Variants in DCDC1 observed in about 807,000 individuals in gnomAD.
DCDC1 encodes doublecortin domain containing 1.
In DCDC1, 200 loss-of-function variants were observed where a neutral mutation model predicts 178.3. The observed-to-expected ratio is 1.12, with a 90% confidence interval of 1.00 to 1.26. The LOEUF (loss-of-function observed/expected upper bound fraction) is 1.26, where lower values mean the gene tolerates loss of function less well. DCDC1 is among the 50% of genes most tolerant of loss of function. DCDC1 has a pLI of 0.00. For missense variants in DCDC1, 1,983 were observed against 1,749.2 expected (o/e 1.13, Z -2.38); for synonymous variants, 690 against 604.8 (o/e 1.14, Z -2.07).
chr11:30,916,705 G>A (rs527784021), intron 26 of DCDC1, among the ~76,000 whole-genome samples, 165 bp downstream of exon 26: 7 of 152,152 alleles, frequency 4.6e-5, no homozygotes, highest in Admixed American at 2.0e-4. Flanking sequence ...GGACCTTCCC[G>A]CAAAATTTTG....
At chr11:31,274,177 T>G (rs1021864013) in intron 7 of DCDC1, among the ~76,000 whole-genome samples, 1 of 152,242 alleles carries the variant, frequency 6.6e-6, no homozygotes, top group Non-Finnish European at 1.5e-5. Context: ...CTGGGGTTTA[T>G]CAAGATAAGT....
At position 30,888,119 on chromosome 11, in the gene DCDC1, AAAG is replaced by A. The variant is rs1224836516; in HGVS notation, c.5082+4696_5082+4698del. On this transcript the variant is annotated intron_variant, in intron 36 of 38. Coordinates refer to ENST00000684477, the MANE Select transcript of DCDC1 (RefSeq NM_001387274.1). The stretch of plus-strand genomic sequence containing the variant: ...AAGAAAAAGAAAGAAAGAAAGAAAG[AAAG>A]AAAGAAAGAAAGAAAGAAAGAAAGA... Among the ~76,000 whole-genome samples the A allele has an allele frequency of 9.1e-5, 13 of 142,356 alleles. 1 individual carries two copies. The highest frequency in any genetic ancestry group is 3.2e-4 in the African/African-American group (12 of 37,412). The allele number at this position is 142,356 out of a possible 152,430, so 93.4% of individuals were successfully genotyped here.
chr11:30,931,102 T>C (rs781091349), intron 22 of DCDC1, among the ~76,000 whole-genome samples: 65 of 152,144 alleles, frequency 4.3e-4, no homozygotes, highest in Non-Finnish European at 8.1e-4. Context: ...TGAGAAACAA[T>C]GTGTTTAACT....
At chr11:31,117,558 A>G (rs1208315591) in intron 11 of DCDC1, among the ~76,000 whole-genome samples, 1 of 152,044 alleles carries the variant, frequency 6.6e-6, no homozygotes, top group Non-Finnish European at 1.5e-5. Flanking sequence ...GGCCCTCATC[A>G]GCTTCTCAGT....
At chr11:30,931,531 T>C (rs888847667) in intron 22 of DCDC1, among the ~76,000 whole-genome samples, 5 of 152,096 alleles carry the variant, frequency 3.3e-5, no homozygotes, top group Admixed American at 6.6e-5. Flanking sequence ...AATAGAACTT[T>C]TAAAAAATCA....
At chr11:31,253,838 T>C (rs1413012292) in intron 8 of DCDC1, among the ~76,000 whole-genome samples, 1 of 152,210 alleles carries the variant, frequency 6.6e-6, no homozygotes, top group Non-Finnish European at 1.5e-5. Context: ...ATTGAAAGTA[T>C]TTGTTGCCCC....
intron 2 of DCDC1, among the ~76,000 whole-genome samples, chr11:31,333,070 T>C (rs1414772097): frequency 6.6e-6 from 1 of 152,234 alleles, no homozygotes; most frequent in Non-Finnish European, 1.5e-5. Flanking sequence ...TGCTCCTGTA[T>C]TGGGTGCATA....
chr11:31,208,660 T>C (rs286650), intron 9 of DCDC1, among the ~76,000 whole-genome samples: 46,961 of 152,024 alleles, frequency 0.31, 8,451 homozygotes, highest in East Asian at 0.63. Flanking sequence ...ATGATCTGCA[T>C]GTCCCCACCT....
At chr11:31,274,511 T>G (rs1170887627) in intron 7 of DCDC1, among the ~76,000 whole-genome samples, 1 of 151,802 alleles carries the variant, frequency 6.6e-6, no homozygotes, top group Non-Finnish European at 1.5e-5. Context: ...TGGAGAATAT[T>G]GAGAGTGGGG....
intron 7 of DCDC1, among the ~76,000 whole-genome samples, chr11:31,289,658 G>C (rs956096778): frequency 6.6e-6 from 1 of 151,992 alleles, no homozygotes; most frequent in Non-Finnish European, 1.5e-5. Flanking sequence ...ATTTCTGTTA[G>C]GTGCATATTA....
chr11:31,176,530 T>C (rs1968052574), intron 9 of DCDC1, among the ~76,000 whole-genome samples: 2 of 152,046 alleles, frequency 1.3e-5, no homozygotes, highest in Admixed American at 6.6e-5. Flanking sequence ...GATATGAACA[T>C]CTAGATTCAG....
intron 1 of DCDC1, among the ~76,000 whole-genome samples, chr11:31,348,347 T>A (rs1005331210): frequency 1.6e-4 from 24 of 152,290 alleles, no homozygotes; most frequent in African/African-American, 5.8e-4. Context: ...GGAATTACCA[T>A]CATCTTCAAA....
intron 20 of DCDC1, among the ~76,000 whole-genome samples, chr11:31,059,594 A>G (rs137871043): frequency 0.01 from 1,557 of 152,144 alleles, 69 homozygotes; most frequent in Admixed American, 0.081. Context: ...TTATATTAAC[A>G]TTTACCTTTA....
In DCDC1 at chr11:31,330,478, T is replaced by C. The variant is rs1949913578; in HGVS notation, c.-6-2192A>G. ...TAGTCATGAAGTCCTTGCCCATGCC[T>C]ATGTCCTGAATGGTATTGCCTAAGT... On this transcript the variant is annotated intron_variant, in intron 2 of 38. Transcript: ENST00000684477. Among the ~76,000 whole-genome samples the C allele has an allele frequency of 2.6e-5, 4 of 152,348 alleles. No individual in the cohort carries two copies. In the South Asian group the frequency reaches 8.3e-4, roughly 32 times the overall value.
In DCDC1 at chr11:31,252,996, G is replaced by GA. The variant is rs568805203; in HGVS notation, c.1055-11381dup. On this transcript the variant is annotated intron_variant, in intron 8 of 38. Transcript: ENST00000684477. ...ACAACACTGTCCTGAAGCAGATACT[G>GA]AAAAAAAATAGTCATTATCATTTGT... is the stretch of plus-strand genomic sequence containing the variant. Among the ~76,000 whole-genome samples, 34 of 151,488 alleles carry GA rather than the reference G, an allele frequency of 2.2e-4. No homozygotes were observed. The South Asian group carries it at 4.6e-3, about 20-fold the overall frequency.
intron 18 of DCDC1, among the ~76,000 whole-genome samples, chr11:31,076,647 G>A (rs1332765142): frequency 1.3e-5 from 2 of 152,172 alleles, no homozygotes; most frequent in Non-Finnish European, 2.9e-5. Context: ...CCCAACTGCT[G>A]TTTGTTTGGA....
intron 20 of DCDC1, among the ~76,000 whole-genome samples, chr11:31,002,481 G>GT: frequency 6.6e-6 from 1 of 152,254 alleles, no homozygotes; most frequent in South Asian, 2.1e-4. Flanking sequence ...CCCGCCTGCT[G>GT]TGAGTCCAAC....
chr11:30,994,307 C>T (rs1029298157), intron 20 of DCDC1, among the ~76,000 whole-genome samples: 34 of 151,802 alleles, frequency 2.2e-4, no homozygotes, highest in African/African-American at 7.3e-4. Context: ...CTTTTTTACC[C>T]ATTTTTTTCT....
intron 20 of DCDC1, among the ~76,000 whole-genome samples, chr11:30,977,937 A>T (rs1396252683): frequency 2.0e-5 from 3 of 152,214 alleles, no homozygotes; most frequent in Non-Finnish European, 4.4e-5. Context: ...TTCCTAAAAA[A>T]ACCAAACAGT....
Sources: gnomAD v4.1 joint callset for allele counts (sites outside exome capture counted in the v4.1 genomes callset) on GRCh38, gnomAD v4.1.1 for gene constraint, MANE v1.5 for transcripts, NCBI Gene and HGNC (gene_info 2026-07-23, HGNC 2026-07-21) for gene names.